Variants in RPAP1 observed in about 807,000 individuals in gnomAD.
RPAP1 encodes RNA polymerase II-associated protein 1.
RPAP1 carries 109 observed loss-of-function variants against 142.4 expected under a neutral mutation model. The ratio of observed to expected loss-of-function variants is 0.77; its 90% confidence interval spans 0.66 to 0.90. The LOEUF is 0.90. RPAP1 is among the 40% of genes least tolerant of loss of function. RPAP1 has a pLI of 0.00. For missense variants in RPAP1, 1,546 were observed against 1,751.7 expected, an observed-to-expected ratio of 0.88 and a Z score of 2.10; for synonymous variants, 704 against 738.9, an observed-to-expected ratio of 0.95 and a Z score of 0.77.
rs2051674903 is a variant in RPAP1, at chr15:41,517,363, T to C, written c.*179A>G. On this transcript the variant is annotated 3_prime_UTR_variant, in exon 25 of 25. Coordinates refer to ENST00000304330, the MANE Select transcript of RPAP1 (RefSeq NM_015540.4). ...CCTTCAGAAGCCCCAGATATCAGGA[T>C]GTAATGGTAGGGCTCACTGCTCTAA... The C allele has an allele frequency of 1.9e-6, 1 of 536,728 alleles. No individual in the cohort carries two copies. Among genetic ancestry groups the C allele is most frequent in the African/African-American group, 1.9e-5 (1 of 53,614 alleles). The allele number at this position is 536,728 out of a possible 1,614,324, so 33.2% of individuals were successfully genotyped here.
In RPAP1 at chr15:41,539,847, C is replaced by T. The variant is rs138481252; in HGVS notation, c.-76-2646G>A. Among the ~76,000 whole-genome samples the T allele has an allele frequency of 6.6e-3, 996 of 151,674 alleles. 34 individuals are homozygous for T. The highest frequency in any genetic ancestry group is 3.4e-3 in the Non-Finnish European group (233 of 67,914). ...GGTCAGGAGTTCAAACCAGCCTGAC[C>T]AACATGGTGAAGTCTCTACTAAAAA... On this transcript the variant is annotated intron_variant, in intron 1 of 24. Transcript: ENST00000304330.
chr15:41,530,240 GAGA>G (rs1465114594), intron 7 of RPAP1, among the ~76,000 whole-genome samples: 1 of 152,144 alleles, frequency 6.6e-6, no homozygotes, highest in Non-Finnish European at 1.5e-5. Flanking sequence ...GAGAGAGGAG[GAGA>G]AGGAGAAGGA....
At chr15:41,532,548 C>T (rs1330216387) in intron 6 of RPAP1, among the ~76,000 whole-genome samples, 1 of 152,046 alleles carries the variant, frequency 6.6e-6, no homozygotes, top group Non-Finnish European at 1.5e-5. Flanking sequence ...TGAACAGACA[C>T]TAGGGGTGAG....
rs546475483 is a variant in RPAP1 at position 41,520,473 on chromosome 15, C to T, written c.3713G>A (p.Arg1238His). ...FGALVLLPLQ[R>H]RFSVTLRLAL... ...AAGGCGCAAGGTGACACTGAACCGA[C>T]GCTGCAGGGGCAGGAGGACCAGGGC... The change falls in exon 22 of 25, where the codon CGT becomes CAT. Residue 1238 changes from arginine to histidine, a missense_variant. Transcript: ENST00000304330. The T allele has an allele frequency of 3.1e-6, 5 of 1,613,994 alleles. No homozygotes were observed. The highest frequency in any genetic ancestry group is 4.2e-6 in the Non-Finnish European group (5 of 1,180,004).
intron 2 of RPAP1, 81 bp from the exon 3 acceptor site, chr15:41,536,730 G>A: frequency 6.5e-7 from 1 of 1,531,020 alleles, no homozygotes; most frequent in South Asian, 1.2e-5. Flanking sequence ...AAAGACAGCT[G>A]CCATGGGGCC....
At position 41,517,217 on chromosome 15, in the gene RPAP1, A is replaced by T. The variant is rs1299958412; in HGVS notation, c.*325T>A. The T allele has an allele frequency of 4.7e-6, 1 of 212,744 alleles. No homozygotes were observed. Among genetic ancestry groups the T allele is most frequent in the Non-Finnish European group, 9.3e-6 (1 of 106,970 alleles). 13.2% of individuals were successfully genotyped at this position (212,744 alleles called of 1,614,324 possible). A position where few individuals can be genotyped will look rare whatever the true frequency, so the allele number is the denominator to read the frequency against. ...AACATTTATTTTAATGCACAACTAT[A>T]GCATTCATATGCCTCAGCCCAGGGC... On this transcript the variant is annotated 3_prime_UTR_variant, in exon 25 of 25. Coordinates refer to ENST00000304330, the MANE Select transcript of RPAP1 (RefSeq NM_015540.4).
intron 21 of RPAP1, 99 bp downstream of exon 21, chr15:41,521,637 AAG>A: frequency 7.4e-7 from 1 of 1,356,232 alleles, no homozygotes; most frequent in Admixed American, 2.3e-5. Flanking sequence ...CGGTGGAAGA[AAG>A]AGAATTTAGG....
intron 1 of RPAP1, among the ~76,000 whole-genome samples, chr15:41,541,123 T>A (rs910956546): frequency 6.6e-6 from 1 of 151,934 alleles, no homozygotes; most frequent in Non-Finnish European, 1.5e-5. Flanking sequence ...TGGGCAAAGG[T>A]ATAGAAGCAG....
In RPAP1 at chr15:41,523,839, C is replaced by G; in HGVS notation, c.2368G>C (p.Ala790Pro). 6.2e-7 allele frequency: 1 copy of G among 1,609,188 alleles called. No individual in the cohort carries two copies. The change falls in exon 17 of 25, where the codon GCC becomes CCC. Residue 790 changes from alanine (A) to proline (P), a missense_variant. By Grantham distance (27) the Ala-to-Pro change is conservative (BLOSUM62 -1). This residue lies in a region of RPAP1 where 1,333 missense variants were observed against 1,486.6 expected (regional missense o/e 0.90). Coordinates refer to ENST00000304330, the MANE Select transcript of RPAP1 (RefSeq NM_015540.4). The stretch of plus-strand genomic sequence containing the variant: ...CAGGCAACGGGCACTGGGCCCACGG[C>G]TCTCCACATCTCAGGTCTGGACAGC... The part of the protein sequence containing the change: ...KLLSRPEMWR[A>P]VGPVPVACLL...
intron 24 of RPAP1, 40 bp downstream of exon 24, chr15:41,517,758 A>T (rs1566881325): frequency 6.2e-7 from 1 of 1,613,842 alleles, no homozygotes; most frequent in African/African-American, 1.3e-5. Context: ...GTCCCCCAAG[A>T]TCCTCTAATA....
rs999814482 is a variant in RPAP1 at position 41,517,215 on chromosome 15, A to C, written c.*327T>G. 8 of 209,450 alleles carry C rather than the reference A, an allele frequency of 3.8e-5. No homozygotes were observed. Among genetic ancestry groups the C allele is most frequent in the African/African-American group, 1.8e-4 (8 of 43,418 alleles). The allele number at this position is 209,450 out of a possible 1,614,324, so 13.0% of individuals were successfully genotyped here. ...AAAACATTTATTTTAATGCACAACT[A>C]TAGCATTCATATGCCTCAGCCCAGG... On this transcript the variant is annotated 3_prime_UTR_variant, in exon 25 of 25. Transcript: ENST00000304330.
rs1228360761 is a variant in RPAP1 at position 41,522,762 on chromosome 15, TA to T, written c.2742+2del. 6.7e-7 allele frequency: 1 copy of T among 1,494,990 alleles called. No individual in the cohort carries two copies. The highest frequency in any genetic ancestry group is 1.5e-5 in the African/African-American group (1 of 68,378). 92.6% of individuals were successfully genotyped at this position (1,494,990 alleles called of 1,614,324 possible). The stretch of plus-strand genomic sequence containing the variant: ...GGCCCCTAATCAGGCACCCCACACT[TA>T]CCTGGCCACACAGCCCCTTGTGGAT... On this transcript the variant is annotated splice_donor_variant, in intron 19 of 24. Coordinates refer to ENST00000304330, the MANE Select transcript of RPAP1 (RefSeq NM_015540.4). LOFTEE classifies it high-confidence loss of function.
At position 41,522,780 on chromosome 15, in the gene RPAP1, C is replaced by A; in HGVS notation, c.2727G>T (p.Lys909Asn). 1 of 1,565,026 alleles carries A rather than the reference C, an allele frequency of 6.4e-7. No homozygotes were observed. Among genetic ancestry groups the A allele is most frequent in the Non-Finnish European group, 8.6e-7 (1 of 1,164,432 alleles). ...CCACACTTACCTGGCCACACAGCCC[C>A]TTGTGGATCTGGGCCAGGGTATTAA... ...SLLNTLAQIH[K>N]GLCGQLAAIL... The change falls in exon 19 of 25, where the codon AAG becomes AAT. Residue 909 changes from lysine to asparagine, a missense_variant. Around this residue, in one of 3 missense-constraint regions of RPAP1, gnomAD observed 1,333 missense variants for 1,486.6 expected, o/e 0.90. Transcript: ENST00000304330.
At chr15:41,521,527 A>G (rs1482191915) in intron 21 of RPAP1, among the ~76,000 whole-genome samples, 1 of 152,222 alleles carries the variant, frequency 6.6e-6, no homozygotes, top group Non-Finnish European at 1.5e-5. Flanking sequence ...TTTTTTAGCC[A>G]TGCAGTCACA....
At chr15:41,525,800 G>A (rs1315489011) in intron 14 of RPAP1, among the ~76,000 whole-genome samples, 3 of 151,972 alleles carry the variant, frequency 2.0e-5, no homozygotes, top group Non-Finnish European at 2.9e-5. Flanking sequence ...GATTACAGGC[G>A]CATGCCACCA....
Position 41,523,790 on chromosome 15 carries a change from T to C in RPAP1, c.2417A>G (p.Tyr806Cys). The change falls in exon 17 of 25, where the codon TAC (tyrosine) becomes TGC (cysteine). Residue 806 changes from tyrosine (Y) to cysteine (C), a missense_variant. Physicochemically the swap from Tyr to Cys is radical, Grantham distance 194. Transcript: ENST00000304330. ...VACLLFLGAY[Y>C]QAWSQQPSSC... ...ACTCACTTGCTGGCTCCAGGCCTGG[T>C]AGTAGGCTCCCAGGAACAACAGGCA... The C allele has an allele frequency of 6.2e-7, 1 of 1,603,278 alleles. No homozygotes were observed. Among genetic ancestry groups the C allele is most frequent in the Non-Finnish European group, 8.5e-7 (1 of 1,175,278 alleles).
At chr15:41,526,392 A>G (rs1236426497) in intron 14 of RPAP1, among the ~76,000 whole-genome samples, 1 of 152,196 alleles carries the variant, frequency 6.6e-6, no homozygotes, top group Non-Finnish European at 1.5e-5. Flanking sequence ...GACTACAGTC[A>G]TGTGCTACCA....
At chr15:41,531,285 CT>C in intron 6 of RPAP1, 83 bp from the exon 7 acceptor site, 5 of 1,374,452 alleles carry the variant, frequency 3.6e-6, no homozygotes, top group Non-Finnish European at 5.0e-6. Context: ...TGAATATCGC[CT>C]GTCTGTGGGT....
intron 9 of RPAP1, among the ~76,000 whole-genome samples, chr15:41,528,964 C>T (rs1294581990): frequency 6.6e-6 from 1 of 151,982 alleles, no homozygotes; most frequent in Non-Finnish European, 1.5e-5. Context: ...GGAAGCAAGG[C>T]CACAGTGCAG....
Sources: gnomAD v4.1 joint callset for allele counts (sites outside exome capture counted in the v4.1 genomes callset) on GRCh38, gnomAD v4.1.1 for gene constraint, gnomAD v4.1.1 regional missense constraint, MANE v1.5 for transcripts, NCBI Gene and HGNC (gene_info 2026-07-23, HGNC 2026-07-21) for gene names.